TOP2B: variants seen among roughly 807,000 people sequenced by gnomAD.
The protein encoded by TOP2B is DNA topoisomerase 2-beta.
Under a neutral mutation model 193.5 loss-of-function variants are expected in TOP2B, and 51 were observed. That is an observed-to-expected ratio of 0.26 (90% CI 0.21 to 0.33). TOP2B has a LOEUF of 0.33. TOP2B is among the 10% of genes least tolerant of loss of function. The probability of loss-of-function intolerance (pLI) is 1.00; values close to 1 mark genes in which losing one functional copy is unlikely to be tolerated. For synonymous variants in TOP2B, 634 were observed against 635.7 expected (o/e 1.00, Z 0.04); for missense variants, 1,378 against 1,909.3 (o/e 0.72, Z 5.19).
chr3:25,604,903 G>A (rs1395739792), intron 32 of TOP2B, 33 bp from the exon 33 acceptor site: 2 of 1,506,588 alleles, frequency 1.3e-6, no homozygotes, highest in East Asian at 4.5e-5. Flanking sequence ...TTAGTAAAGA[G>A]ATGTTATAAA....
intron 7 of TOP2B, among the ~76,000 whole-genome samples, chr3:25,634,452 A>C (rs922543466): frequency 6.6e-6 from 1 of 152,100 alleles, no homozygotes; most frequent in African/African-American, 2.4e-5. Flanking sequence ...CTGGAGAGAC[A>C]TAAGTGTCTG....
chr3:25,609,832 A>G, intron 28 of TOP2B, 120 bp from the exon 29 acceptor site: 12 of 981,326 alleles, frequency 1.2e-5, no homozygotes, highest in Non-Finnish European at 1.6e-5. Flanking sequence ...AGTGATTCTG[A>G]TGAGGTCCTA....
intron 4 of TOP2B, among the ~76,000 whole-genome samples, chr3:25,639,086 A>G (rs1703184690): frequency 6.6e-6 from 1 of 152,186 alleles, no homozygotes; most frequent in Non-Finnish European, 1.5e-5. Context: ...GGATCTATGT[A>G]AGTTAATAAG....
intron 21 of TOP2B, among the ~76,000 whole-genome samples, chr3:25,621,906 T>C (rs1172885752): frequency 6.6e-6 from 1 of 151,806 alleles, no homozygotes; most frequent in Non-Finnish European, 1.5e-5. Flanking sequence ...GCAGAATCAC[T>C]TGAACCTGGG....
intron 1 of TOP2B, among the ~76,000 whole-genome samples, chr3:25,657,018 T>C (rs1296653085): frequency 2.0e-5 from 3 of 152,196 alleles, no homozygotes; most frequent in South Asian, 2.1e-4. Context: ...ACAAATAAGA[T>C]TGGCAGCCTT....
intron 10 of TOP2B, among the ~76,000 whole-genome samples, chr3:25,632,111 G>C (rs1428877411): frequency 6.6e-6 from 1 of 152,022 alleles, no homozygotes; most frequent in Admixed American, 6.6e-5. Context: ...AGAATCAGTA[G>C]ATCAAGTTGA....
chr3:25,649,189 G>C lies in TOP2B; in HGVS notation c.70-3719C>G, dbSNP rs374332485. ...AAGACAGGACTTTCAAAATTGCCAAGGGAAAGGAGCAAAAAGGCAAAGGAA... is the reference window on the plus strand; with the variant it reads ...AAGACAGGACTTTCAAAATTGCCAACGGAAAGGAGCAAAAAGGCAAAGGAA... On this transcript the variant is annotated intron_variant, in intron 1 of 35. Coordinates refer to ENST00000264331, the MANE Select transcript of TOP2B (RefSeq NM_001330700.2). Among the ~76,000 whole-genome samples the C allele has an allele frequency of 2.5e-4, 38 of 152,122 alleles. No homozygotes were observed. In the South Asian group the frequency reaches 7.5e-3, roughly 30 times the overall value.
chr3:25,638,417 C>T, intron 4 of TOP2B, 107 bp from the exon 5 acceptor site: 1 of 1,268,356 alleles, frequency 7.9e-7, no homozygotes, highest in Non-Finnish European at 1.0e-6. Flanking sequence ...TAGAATAAAC[C>T]TTAATGGTTA....
chr3:25,612,133 G>C lies in TOP2B; in HGVS notation c.3786+382C>G, dbSNP rs188797466. ...ATTTTTTGTATTTTTTAGTAGAGAC[G>C]GGGTTTCACCATGTTTGCCAGGATG... On this transcript the variant is annotated intron_variant, in intron 28 of 35. Coordinates refer to ENST00000264331, the MANE Select transcript of TOP2B (RefSeq NM_001330700.2). Among the ~76,000 whole-genome samples, 822 of 151,894 alleles carry C rather than the reference G, an allele frequency of 5.4e-3. 2 individuals carry two copies. The highest frequency in any genetic ancestry group is 7.0e-3 in the Non-Finnish European group (477 of 67,946).
intron 3 of TOP2B, 108 bp downstream of exon 3, chr3:25,643,586 C>T (rs1310819931): frequency 8.2e-6 from 6 of 735,934 alleles, no homozygotes; most frequent in Non-Finnish European, 1.4e-5. Context: ...GGATAAAAGC[C>T]AGAGATACAC....
Position 25,623,500 on chromosome 3 carries a change from G to C in TOP2B, c.2727+15C>G. Reference sequence around the variant, plus strand: ...TTATCATTTGTTAAATAAATAATAAGTTCCAAATAATTACCATGGGATGAG... The same window carrying C: ...TTATCATTTGTTAAATAAATAATAACTTCCAAATAATTACCATGGGATGAG... On this transcript the variant is annotated intron_variant, in intron 21 of 35. Coordinates refer to ENST00000264331, the MANE Select transcript of TOP2B (RefSeq NM_001330700.2). The C allele has an allele frequency of 6.2e-7, 1 of 1,602,316 alleles. No homozygotes were observed. The highest frequency in any genetic ancestry group is 2.2e-5 in the East Asian group (1 of 44,786).
chr3:25,650,669 T>C (rs1484800504), intron 1 of TOP2B, among the ~76,000 whole-genome samples: 1 of 152,248 alleles, frequency 6.6e-6, no homozygotes, highest in African/African-American at 2.4e-5. Flanking sequence ...AGCTATTGTT[T>C]CTGCTATTAA....
At chr3:25,604,939 T>C (rs1047245151) in intron 32 of TOP2B, 69 bp from the exon 33 acceptor site, 25 of 1,109,190 alleles carry the variant, frequency 2.3e-5, no homozygotes, top group Admixed American at 2.0e-4. Context: ...TTTGACTCTT[T>C]TAACTGATGA....
chr3:25,621,798 G>A (rs1327297164), intron 21 of TOP2B, among the ~76,000 whole-genome samples: 6 of 152,026 alleles, frequency 3.9e-5, no homozygotes, highest in Non-Finnish European at 7.4e-5. Context: ...AGACCAGCCT[G>A]GCCAACACAG....
chr3:25,642,213 G>A (rs1703283915), intron 4 of TOP2B, 109 bp downstream of exon 4: 1 of 553,302 alleles, frequency 1.8e-6, no homozygotes, highest in Non-Finnish European at 3.1e-6. Context: ...CAAACAACAG[G>A]GAAACTTTAA....
At chr3:25,620,568 G>A (rs1279954844) in intron 22 of TOP2B, 114 bp downstream of exon 22, 1 of 1,124,266 alleles carries the variant, frequency 8.9e-7, no homozygotes, top group African/African-American at 1.6e-5. Flanking sequence ...AGAAGGTACA[G>A]GAATTTTTTA....
At chr3:25,634,791 A>AC (rs1553642259) in intron 7 of TOP2B, among the ~76,000 whole-genome samples, 1 of 138,432 alleles carries the variant, frequency 7.2e-6, no homozygotes, top group Non-Finnish European at 1.5e-5. Context: ...AAAAAAAAAA[A>AC]AAAAAACCAA....
At chr3:25,609,486 G>C (rs1331692168) in intron 29 of TOP2B, 82 bp downstream of exon 29, 1 of 1,506,286 alleles carries the variant, frequency 6.6e-7, no homozygotes, top group African/African-American at 1.4e-5. Context: ...ACCAGAAAAA[G>C]AGCACAATCA....
intron 25 of TOP2B, 58 bp downstream of exon 25, chr3:25,618,360 T>G: frequency 7.6e-7 from 1 of 1,308,240 alleles, no homozygotes; most frequent in Non-Finnish European, 1.1e-6. Flanking sequence ...GAATTTTTGT[T>G]TGTTTTGGAA....
Sources: allele counts gnomAD v4.1 joint callset (sites outside exome capture counted in the v4.1 genomes callset), GRCh38; gene constraint gnomAD v4.1.1; transcripts MANE v1.5; gene names NCBI Gene and HGNC (gene_info 2026-07-23, HGNC 2026-07-21).